The following LRRIQ1 variants were observed in gnomAD, a reference collection of about 807,000 sequenced individuals.
The protein encoded by LRRIQ1 is leucine-rich repeat- and IQ domain-containing protein 1.
Under a neutral mutation model 211.9 loss-of-function variants are expected in LRRIQ1, and 210 were observed. That is an observed-to-expected ratio of 0.99 (90% confidence interval 0.89 to 1.11). The LOEUF (loss-of-function observed/expected upper bound fraction) is 1.11. Ranked by LOEUF, LRRIQ1 falls within the 50% of genes most tolerant of loss-of-function variation. LRRIQ1 has a pLI of 0.00. For missense variants in LRRIQ1, 2,136 were observed against 1,939.5 expected, an observed-to-expected ratio of 1.10 and a Z score of -1.90; for synonymous variants, 699 against 650.1, an observed-to-expected ratio of 1.08 and a Z score of -1.14.
intron 23 of LRRIQ1, among the ~76,000 whole-genome samples, chr12:85,156,945 A>C (rs959543227): frequency 9.2e-5 from 14 of 152,038 alleles, no homozygotes; most frequent in African/African-American, 3.1e-4. Flanking sequence ...GGTAGCTTTA[A>C]TTCAAATTTC....
chr12:85,244,365 T>TATTG (rs1895616583), intron 26 of LRRIQ1, among the ~76,000 whole-genome samples: 1 of 151,554 alleles, frequency 6.6e-6, no homozygotes. Flanking sequence ...CAGAGAATTT[T>TATTG]ATTGATAAGA....
chr12:85,203,396 T>G (rs1311029582), intron 24 of LRRIQ1, among the ~76,000 whole-genome samples: 2 of 152,186 alleles, frequency 1.3e-5, no homozygotes, highest in Admixed American at 6.5e-5. Flanking sequence ...GGGGCATTGC[T>G]GAAAAGATAC....
intron 24 of LRRIQ1, among the ~76,000 whole-genome samples, chr12:85,176,124 C>G (rs1354173832): frequency 6.6e-6 from 1 of 152,066 alleles, no homozygotes; most frequent in African/African-American, 2.4e-5. Flanking sequence ...GATACTGATT[C>G]TTCCTACCCA....
downstream of LRRIQ1, among the ~76,000 whole-genome samples, chr12:85,265,793 G>T (rs981010964): frequency 6.6e-6 from 1 of 151,728 alleles, no homozygotes; most frequent in Non-Finnish European, 1.5e-5. Context: ...TTCAATGTAA[G>T]TACTAAAAAA....
intron 24 of LRRIQ1, among the ~76,000 whole-genome samples, chr12:85,186,001 ATAT>A (rs1892212683): frequency 6.6e-6 from 1 of 152,026 alleles, no homozygotes; most frequent in African/African-American, 2.4e-5. Flanking sequence ...TTTATACTTA[ATAT>A]TATGAAGTTT....
At position 85,244,971 on chromosome 12, in the gene LRRIQ1, G is replaced by A. The variant is rs766234533; in HGVS notation, c.*30G>A. The A allele has an allele frequency of 6.6e-5, 105 of 1,601,578 alleles. No homozygotes were observed. The highest frequency in any genetic ancestry group is 8.8e-5 in the Non-Finnish European group (103 of 1,172,588). On this transcript the variant is annotated 3_prime_UTR_variant, in exon 27 of 27. Coordinates refer to ENST00000393217, the MANE Select transcript of LRRIQ1 (RefSeq NM_001079910.2). The stretch of plus-strand genomic sequence containing the variant: ...CACAAACGAATTGATGGAACCTAAT[G>A]CCAACAAGCATTCTTTTTCAGATAG...
At chr12:85,062,312 T>C (rs778089000) in intron 8 of LRRIQ1, among the ~76,000 whole-genome samples, 3 of 151,830 alleles carry the variant, frequency 2.0e-5, no homozygotes, top group African/African-American at 7.2e-5. Flanking sequence ...GTAGTGAGCA[T>C]AGTACCCAGT....
intron 1 of LRRIQ1, among the ~76,000 whole-genome samples, chr12:85,261,221 C>A (rs2137336629): frequency 6.6e-6 from 1 of 152,058 alleles, no homozygotes; most frequent in Non-Finnish European, 1.5e-5. Flanking sequence ...TAATCATTAG[C>A]CTTTAACTTT....
chr12:85,216,015 A>C (rs1026971868), intron 24 of LRRIQ1, among the ~76,000 whole-genome samples: 1 of 152,178 alleles, frequency 6.6e-6, no homozygotes. Flanking sequence ...TAAGAGAAGC[A>C]AGACCTTTTC....
intron 26 of LRRIQ1, among the ~76,000 whole-genome samples, chr12:85,234,972 G>A (rs978172954): frequency 2.6e-5 from 4 of 152,128 alleles, no homozygotes; most frequent in African/African-American, 4.8e-5. Flanking sequence ...CTTCATATCG[G>A]AAGCAATGAA....
chr12:85,192,960 A>AATATAATTATATATATATATAATTATATT (rs1892657908), intron 24 of LRRIQ1, among the ~76,000 whole-genome samples: 2 of 87,090 alleles, frequency 2.3e-5, no homozygotes, highest in African/African-American at 1.2e-4. Context: ...ATAATTATAT[A>AATATAATTATATATATATATAATTATATT]ATATAATTAT....
chr12:85,145,280 A>G (rs988410040), intron 19 of LRRIQ1, among the ~76,000 whole-genome samples: 2 of 151,600 alleles, frequency 1.3e-5, no homozygotes, highest in Non-Finnish European at 3.0e-5. Flanking sequence ...AGGAGTAAAT[A>G]TAAAATTATC....
chr12:85,225,947 T>C (rs1894632123), intron 24 of LRRIQ1, among the ~76,000 whole-genome samples: 1 of 152,194 alleles, frequency 6.6e-6, no homozygotes, highest in Non-Finnish European at 1.5e-5. Flanking sequence ...TGAATTGCAG[T>C]ATTTTCAAGT....
downstream of LRRIQ1, among the ~76,000 whole-genome samples, chr12:85,269,110 G>A (rs989579384): frequency 6.6e-6 from 1 of 151,920 alleles, no homozygotes; most frequent in Non-Finnish European, 1.5e-5. Context: ...ATGGAGAGTA[G>A]AACAAACCAA....
intron 8 of LRRIQ1, among the ~76,000 whole-genome samples, chr12:85,058,094 A>G (rs995471202): frequency 1.3e-5 from 2 of 152,068 alleles, no homozygotes; most frequent in African/African-American, 4.8e-5. Flanking sequence ...CGGAGCTTAA[A>G]CACACATAAA....
At chr12:85,266,583 C>T (rs1021209800), downstream of LRRIQ1, among the ~76,000 whole-genome samples, 3 of 152,072 alleles carry the variant, frequency 2.0e-5, no homozygotes, top group African/African-American at 7.2e-5. Context: ...ACATCCCTGT[C>T]AGCACTTCAG....
intron 10 of LRRIQ1, among the ~76,000 whole-genome samples, chr12:85,071,583 T>C (rs954303008): frequency 6.6e-6 from 1 of 152,004 alleles, no homozygotes; most frequent in African/African-American, 2.4e-5. Flanking sequence ...ATTAGGAAGA[T>C]AGTGTCAGAC....
intron 1 of LRRIQ1, among the ~76,000 whole-genome samples, chr12:85,258,742 A>T (rs1269362271): frequency 6.6e-6 from 1 of 151,890 alleles, no homozygotes; most frequent in East Asian, 1.9e-4. Context: ...TCCATGCTTT[A>T]TTTATGCTGT....
chr12:85,093,779 A>AT (rs1220106981), intron 11 of LRRIQ1, among the ~76,000 whole-genome samples: 2 of 152,178 alleles, frequency 1.3e-5, no homozygotes, highest in African/African-American at 4.8e-5. Context: ...GAACACAGAG[A>AT]TTTTTTATAT....
Sources: gnomAD v4.1 joint callset for allele counts (sites outside exome capture counted in the v4.1 genomes callset) on GRCh38, gnomAD v4.1.1 for gene constraint, MANE v1.5 for transcripts, NCBI Gene and HGNC (gene_info 2026-07-23, HGNC 2026-07-21) for gene names.